The following ZNF727 variants were observed in gnomAD, a reference collection of about 807,000 sequenced individuals.
The protein encoded by ZNF727 is putative zinc finger protein 727.
A neutral mutation model predicts 11.5 loss-of-function variants in ZNF727; 11 were observed. The observed-to-expected ratio is 0.95, with a 90% CI of 0.60 to 1.58. The LOEUF (loss-of-function observed/expected upper bound fraction) is 1.58. Ranked by LOEUF, ZNF727 falls within the 40% of genes most tolerant of loss-of-function variation. The pLI is 0.00. For synonymous variants in ZNF727, 171 were observed against 196.1 expected (o/e 0.87, Z 1.07); for missense variants, 533 against 581.7 (o/e 0.92, Z 0.86).
intron 1 of ZNF727, among the ~76,000 whole-genome samples, chr7:64,061,906 A>G (rs1562793088): frequency 6.6e-6 from 1 of 152,014 alleles, no homozygotes; most frequent in Admixed American, 6.6e-5. Flanking sequence ...GCTTGCAAAT[A>G]ACATCTTATA....
rs578075058 is a variant in ZNF727, at chr7:64,081,744, C to T, written c.*3195C>T. On this transcript the variant is annotated 3_prime_UTR_variant, in exon 4 of 4. Transcript: ENST00000456806. ...TCTTCTGATTTGCAAGACCATCCTG[C>T]AGAAATTAGGTCCAACAGTTCCCCT... is the stretch of plus-strand genomic sequence containing the variant. Among the ~76,000 whole-genome samples, 1 of 152,248 alleles carries T rather than the reference C, an allele frequency of 6.6e-6. No individual in the cohort carries two copies. The highest frequency in any genetic ancestry group is 2.1e-4 in the South Asian group (1 of 4,814).
intron 1 of ZNF727, among the ~76,000 whole-genome samples, chr7:64,068,048 GTGTTAA>G (rs2116310935): frequency 6.6e-6 from 1 of 151,892 alleles, no homozygotes; most frequent in Non-Finnish European, 1.5e-5. Flanking sequence ...ACCCTTTTTT[GTGTTAA>G]TGTTAATCAT....
At chr7:64,054,210 C>T (rs1255204478) in intron 1 of ZNF727, among the ~76,000 whole-genome samples, 1 of 152,144 alleles carries the variant, frequency 6.6e-6, no homozygotes, top group Non-Finnish European at 1.5e-5. Flanking sequence ...TGAAAGCACA[C>T]CTCAGTTTCT....
At chr7:64,046,271 T>C (rs1273385435) in intron 1 of ZNF727, among the ~76,000 whole-genome samples, 1 of 152,120 alleles carries the variant, frequency 6.6e-6, no homozygotes, top group Non-Finnish European at 1.5e-5. Flanking sequence ...GCTCAGGTGA[T>C]CCGCCCCCCT....
chr7:64,051,643 A>AT (rs907752816), intron 1 of ZNF727, among the ~76,000 whole-genome samples: 137 of 151,794 alleles, frequency 9.0e-4, no homozygotes, highest in African/African-American at 3.1e-3. Flanking sequence ...AAAAACTTCA[A>AT]TTTTTTTTTC....
intron 1 of ZNF727, among the ~76,000 whole-genome samples, chr7:64,067,028 C>A (rs1279627354): frequency 6.6e-6 from 1 of 152,080 alleles, no homozygotes; most frequent in East Asian, 1.9e-4. Flanking sequence ...TATCCAGAAT[C>A]TGCAAGGAAC....
rs1354726580 is a variant in ZNF727 at position 64,084,786 on chromosome 7, C to CT, written c.*6240dup. ...TACAAATGTATCACTGTAAAATAAACTTTAAGTGTAACAGATTTATAGAGA... is the reference window on the plus strand; with the variant it reads ...TACAAATGTATCACTGTAAAATAAACTTTTAAGTGTAACAGATTTATAGAGA... On this transcript the variant is annotated 3_prime_UTR_variant, in exon 4 of 4. Transcript: ENST00000456806. 3.3e-5 allele frequency among the ~76,000 whole-genome samples: 5 copies of CT among 151,992 alleles called. No homozygotes were observed. Among genetic ancestry groups the CT allele is most frequent in the Non-Finnish European group, 5.9e-5 (4 of 67,980 alleles).
chr7:64,069,979 A>G (rs1346426792), intron 3 of ZNF727, among the ~76,000 whole-genome samples: 3 of 151,982 alleles, frequency 2.0e-5, no homozygotes, highest in African/African-American at 7.2e-5. Flanking sequence ...AACTATATTA[A>G]ACCATTTTTT....
chr7:64,070,346 G>A (rs2116315724), intron 3 of ZNF727, among the ~76,000 whole-genome samples: 1 of 151,988 alleles, frequency 6.6e-6, no homozygotes, highest in Non-Finnish European at 1.5e-5. Flanking sequence ...ACATTGTTGA[G>A]TACATATTAA....
Position 64,082,187 on chromosome 7 carries a change from T to C in ZNF727, c.*3638T>C, listed in dbSNP as rs1785803546. The stretch of plus-strand genomic sequence containing the variant: ...CAATGGCAAAAATATTTTCAGTTGC[T>C]CTTGGAGGCTCTGTCTAGGGAGTTG... On this transcript the variant is annotated 3_prime_UTR_variant, in exon 4 of 4. Transcript: ENST00000456806. Among the ~76,000 whole-genome samples, 1 of 152,172 alleles carries C rather than the reference T, an allele frequency of 6.6e-6. No individual in the cohort carries two copies. Among genetic ancestry groups the C allele is most frequent in the Non-Finnish European group, 1.5e-5 (1 of 68,038 alleles).
At chr7:64,051,907 A>T (rs1259776706) in intron 1 of ZNF727, among the ~76,000 whole-genome samples, 1 of 152,226 alleles carries the variant, frequency 6.6e-6, no homozygotes, top group Non-Finnish European at 1.5e-5. Context: ...AGAACTGTCA[A>T]AAGACCTTCA....
At position 64,067,362 on chromosome 7, in the gene ZNF727, A is replaced by G. The variant is rs190435388; in HGVS notation, c.4-1529A>G. Among the ~76,000 whole-genome samples, 309 of 151,830 alleles carry G rather than the reference A, an allele frequency of 2.0e-3. 1 individual carries two copies. Among genetic ancestry groups the G allele is most frequent in the African/African-American group, 7.3e-3 (301 of 41,506 alleles). Reference sequence around the variant, plus strand: ...TCCTCAAGGGTATAGAACCAGAAATATTGACCCAGCAATCCCGTAACTGGG... The same window carrying G: ...TCCTCAAGGGTATAGAACCAGAAATGTTGACCCAGCAATCCCGTAACTGGG... On this transcript the variant is annotated intron_variant, in intron 1 of 3. Transcript: ENST00000456806.
chr7:64,054,056 C>G lies in ZNF727; in HGVS notation c.3+8432C>G, dbSNP rs141988046. Among the ~76,000 whole-genome samples, 520 of 152,278 alleles carry G rather than the reference C, an allele frequency of 3.4e-3. 1 individual carries two copies. Among genetic ancestry groups the G allele is most frequent in the African/African-American group, 0.012 (494 of 41,558 alleles). ...TACCCTAACCATGAGCTGCCAGGCT[C>G]TGTGAGGGAGGCACAGATGTACAGC... is the stretch of plus-strand genomic sequence containing the variant. On this transcript the variant is annotated intron_variant, in intron 1 of 3. Transcript: ENST00000456806.
intron 1 of ZNF727, among the ~76,000 whole-genome samples, chr7:64,053,192 C>T (rs977375097): frequency 1.3e-5 from 2 of 152,242 alleles, no homozygotes; most frequent in Non-Finnish European, 2.9e-5. Flanking sequence ...CAAATCTCAT[C>T]TGGAAGTCCC....
At chr7:64,075,189 G>T in intron 3 of ZNF727, among the ~76,000 whole-genome samples, 1 of 151,560 alleles carries the variant, frequency 6.6e-6, no homozygotes. Flanking sequence ...ATTTCTAATT[G>T]TTCATTTTAT....
At chr7:64,062,258 G>A (rs1394262613) in intron 1 of ZNF727, among the ~76,000 whole-genome samples, 1 of 151,980 alleles carries the variant, frequency 6.6e-6, no homozygotes, top group Admixed American at 6.6e-5. Context: ...GTGTTTGTCT[G>A]TGTCCTTCAT....
intron 1 of ZNF727, 93 bp downstream of exon 1, chr7:64,045,717 G>C: frequency 6.6e-7 from 1 of 1,510,372 alleles, no homozygotes; most frequent in Non-Finnish European, 9.0e-7. Context: ...CTCGCGGTCA[G>C]CTCTGCAGCA....
chr7:64,048,618 A>T (rs1259349858), intron 1 of ZNF727, among the ~76,000 whole-genome samples: 1 of 152,222 alleles, frequency 6.6e-6, no homozygotes, highest in Non-Finnish European at 1.5e-5. Flanking sequence ...CACTATACAT[A>T]CATATCTTTG....
chr7:64,081,392 T>C lies in ZNF727; in HGVS notation c.*2843T>C, dbSNP rs988732461. ...GCCAAAGCTTCATCTACAATAGCAATTGCTGGGAGTGGCAGGGGCATACTA... is the reference window on the plus strand; with the variant it reads ...GCCAAAGCTTCATCTACAATAGCAACTGCTGGGAGTGGCAGGGGCATACTA... On this transcript the variant is annotated 3_prime_UTR_variant, in exon 4 of 4. Coordinates refer to ENST00000456806, the MANE Select transcript of ZNF727 (RefSeq NM_001159522.3). 7.2e-5 allele frequency among the ~76,000 whole-genome samples: 11 copies of C among 152,100 alleles called. No homozygotes were observed. The highest frequency in any genetic ancestry group is 2.7e-4 in the African/African-American group (11 of 41,408).
Sources: gnomAD v4.1 joint callset for allele counts (sites outside exome capture counted in the v4.1 genomes callset) on GRCh38, gnomAD v4.1.1 for gene constraint, MANE v1.5 for transcripts, NCBI Gene and HGNC (gene_info 2026-07-23, HGNC 2026-07-21) for gene names.